The following ANKRD17 variants were observed in gnomAD, a reference collection of about 807,000 sequenced individuals.
ANKRD17 encodes ankyrin repeat domain 17.
Under a neutral mutation model 229.7 loss-of-function variants are expected in ANKRD17, and 19 were observed. That is an observed-to-expected ratio of 0.08 (90% confidence interval 0.06 to 0.12). ANKRD17 has a LOEUF of 0.12. Among genes scored for constraint, ANKRD17 ranks in the 10% least tolerant of loss-of-function variants. The probability of loss-of-function intolerance (pLI) is 1.00; values close to 1 mark genes in which losing one functional copy is unlikely to be tolerated. For synonymous variants in ANKRD17, 1,112 were observed against 1,146.1 expected (o/e 0.97, Z 0.60); for missense variants, 2,176 against 3,176.8 (o/e 0.68, Z 7.57).
chr4:73,092,375 T>C, intron 28 of ANKRD17, 75 bp from the exon 29 acceptor site: 1 of 1,178,300 alleles, frequency 8.5e-7, no homozygotes, highest in Non-Finnish European at 1.2e-6. Flanking sequence ...AATATGTATT[T>C]ATGTACACAA....
intron 18 of ANKRD17, among the ~76,000 whole-genome samples, chr4:73,123,736 T>C (rs981357871): frequency 1.3e-5 from 2 of 152,060 alleles, no homozygotes; most frequent in African/African-American, 4.8e-5. Context: ...TTTATTAGTT[T>C]ATTTTAAAAA....
chr4:73,078,543 A>G, intron 31 of ANKRD17, 99 bp downstream of exon 31: 2 of 1,388,598 alleles, frequency 1.4e-6, no homozygotes, highest in Non-Finnish European at 1.9e-6. Flanking sequence ...TCTCAAAAAA[A>G]GAAAAAAAAA....
intron 24 of ANKRD17, among the ~76,000 whole-genome samples, chr4:73,108,575 G>A (rs967978317): frequency 6.6e-6 from 1 of 152,196 alleles, no homozygotes; most frequent in Admixed American, 6.5e-5. Flanking sequence ...AGTGAAGAGA[G>A]TATATCAAAT....
rs976684689 is a variant in ANKRD17, at chr4:73,201,031, A to G, written c.394-23498T>C. On this transcript the variant is annotated intron_variant, in intron 1 of 33. Transcript: ENST00000358602. ...TTAATCTCATCACAATACTGCATGT[A>G]TTACAATATAAATTTTAAAATAAAT... Among the ~76,000 whole-genome samples, 9 of 148,884 alleles carry G rather than the reference A, an allele frequency of 6.0e-5. No individual in the cohort carries two copies. The East Asian group carries it at 1.8e-3, about 29-fold the overall frequency.
intron 22 of ANKRD17, 114 bp from the exon 23 acceptor site, chr4:73,116,030 C>G (rs571409550): frequency 1.3e-6 from 1 of 760,888 alleles, no homozygotes; most frequent in South Asian, 1.7e-5. Context: ...GACTAAATTG[C>G]ATATTTACAC....
chr4:73,109,031 G>A (rs1724980200), intron 24 of ANKRD17, among the ~76,000 whole-genome samples: 1 of 152,208 alleles, frequency 6.6e-6, no homozygotes, highest in Non-Finnish European at 1.5e-5. Context: ...GGGCATGATG[G>A]CTCACGCCTG....
intron 1 of ANKRD17, among the ~76,000 whole-genome samples, chr4:73,256,834 G>A (rs1745497796): frequency 6.6e-6 from 1 of 152,156 alleles, no homozygotes; most frequent in African/African-American, 2.4e-5. Flanking sequence ...GAATCCAACA[G>A]GCTAAAAGGG....
intron 27 of ANKRD17, among the ~76,000 whole-genome samples, chr4:73,096,552 G>A (rs976404317): frequency 6.6e-5 from 10 of 152,068 alleles, no homozygotes; most frequent in Non-Finnish European, 1.0e-4. Context: ...AAATTTTTAC[G>A]AAATTTCCGG....
At chr4:73,143,498 G>GA (rs1392650593) in intron 11 of ANKRD17, among the ~76,000 whole-genome samples, 6 of 152,138 alleles carry the variant, frequency 3.9e-5, no homozygotes, top group Non-Finnish European at 8.8e-5. Context: ...GAAAGAAACT[G>GA]AAATCAAACT....
At chr4:73,220,032 C>T (rs1741637215) in intron 1 of ANKRD17, among the ~76,000 whole-genome samples, 1 of 151,896 alleles carries the variant, frequency 6.6e-6, no homozygotes, top group Non-Finnish European at 1.5e-5. Flanking sequence ...ATAAAAAAGC[C>T]AACATATAAA....
intron 22 of ANKRD17, among the ~76,000 whole-genome samples, chr4:73,117,178 A>G (rs1057475108): frequency 1.2e-4 from 19 of 152,196 alleles, no homozygotes; most frequent in Non-Finnish European, 2.8e-4. Context: ...GGTAGGAGAG[A>G]CTTCAACTAT....
At chr4:73,077,174 T>C in intron 32 of ANKRD17, 70 bp from the exon 33 acceptor site, 4 of 1,442,858 alleles carry the variant, frequency 2.8e-6, no homozygotes, top group Non-Finnish European at 3.7e-6. Flanking sequence ...ATCAATAGCC[T>C]TAAAATTGAT....
intron 3 of ANKRD17, among the ~76,000 whole-genome samples, chr4:73,158,512 C>A (rs1467425923): frequency 6.6e-6 from 1 of 152,184 alleles, no homozygotes; most frequent in Non-Finnish European, 1.5e-5. Context: ...TATTTCAGGT[C>A]TTTCCTAGAA....
chr4:73,169,907 A>G (rs1478488878), intron 2 of ANKRD17, among the ~76,000 whole-genome samples: 4 of 152,104 alleles, frequency 2.6e-5, no homozygotes, highest in Non-Finnish European at 5.9e-5. Context: ...GAAATTGTCC[A>G]TCCCAGCAGT....
intron 1 of ANKRD17, among the ~76,000 whole-genome samples, chr4:73,251,145 A>T (rs1744989125): frequency 1.3e-5 from 2 of 152,106 alleles, no homozygotes; most frequent in Non-Finnish European, 2.9e-5. Context: ...AAGATCATGT[A>T]ATGTTTATGA....
chr4:73,243,499 C>T (rs2149265984), intron 1 of ANKRD17, among the ~76,000 whole-genome samples: 2 of 152,216 alleles, frequency 1.3e-5, no homozygotes, highest in South Asian at 4.1e-4. Context: ...GAAACATGAC[C>T]TAGTCCTAAA....
intron 5 of ANKRD17, 54 bp downstream of exon 5, chr4:73,155,577 T>C: frequency 1.3e-6 from 2 of 1,598,066 alleles, no homozygotes; most frequent in Admixed American, 1.7e-5. Context: ...TGCAAAATCA[T>C]TATTACCAAA....
chr4:73,098,151 C>T lies in ANKRD17; in HGVS notation c.4943G>A (p.Ser1648Asn), dbSNP rs770936197. The change falls in exon 26 of 34, where the codon AGC (serine) becomes AAC (asparagine). Residue 1648 changes from serine (S) to asparagine (N), a missense_variant. By Grantham distance (46) the Ser-to-Asn change is conservative. Coordinates refer to ENST00000358602, the MANE Select transcript of ANKRD17 (RefSeq NM_032217.5). ...AAGAACTGATGGCTGCTTTTTGCTG[C>T]TCACAGTGGTAGTGACCACAGCTGG... The part of the protein sequence containing the change: ...HSPAVVTTTV[S>N]SKKQPSVLVT... 135 of 1,613,932 alleles carry T rather than the reference C, an allele frequency of 8.4e-5. No homozygotes were observed. The highest frequency in any genetic ancestry group is 1.1e-4 in the Non-Finnish European group (134 of 1,179,946).
intron 1 of ANKRD17, among the ~76,000 whole-genome samples, chr4:73,239,685 C>A (rs1005137676): frequency 6.6e-6 from 1 of 152,030 alleles, no homozygotes; most frequent in African/African-American, 2.4e-5. Context: ...TCTGTATCTT[C>A]CTCTACTGTT....
Sources: gnomAD v4.1 joint callset for allele counts (sites outside exome capture counted in the v4.1 genomes callset) on GRCh38, gnomAD v4.1.1 for gene constraint, MANE v1.5 for transcripts, NCBI Gene and HGNC (gene_info 2026-07-23, HGNC 2026-07-21) for gene names.